CNIH3: variants seen among roughly 807,000 people sequenced by gnomAD.
The protein encoded by CNIH3 is cornichon family AMPA receptor auxiliary protein 3, also known as protein cornichon homolog 3.
In CNIH3, 14 loss-of-function variants were observed where a neutral mutation model predicts 24.1. That is an observed-to-expected ratio of 0.58 (90% CI 0.38 to 0.91). The LOEUF (loss-of-function observed/expected upper bound fraction) is 0.91. Among genes scored for constraint, CNIH3 ranks in the 40% least tolerant of loss-of-function variants. The probability of loss-of-function intolerance (pLI) is 0.00; values close to 1 mark genes in which losing one functional copy is unlikely to be tolerated. For synonymous variants in CNIH3, 68 were observed against 73.8 expected, an observed-to-expected ratio of 0.92 and a Z score of 0.40; for missense variants, 178 against 196.8, an observed-to-expected ratio of 0.90 and a Z score of 0.57.
intron 2 of CNIH3, chr1:224,529,418 C>T (rs1678973784): frequency 6.6e-6 from 1 of 152,194 alleles, no homozygotes; most frequent in South Asian, 2.1e-4. Context: ...AAGAAACATT[C>T]AGGTATGAGC....
chr1:224,560,526 A>G (rs1259590039), intron 3 of CNIH3, among the ~76,000 whole-genome samples: 1 of 152,092 alleles, frequency 6.6e-6, no homozygotes. Context: ...CGTTGCTTGC[A>G]TTACCACCTA....
At chr1:224,640,636 G>A (rs1288566592) in intron 1 of CNIH3, among the ~76,000 whole-genome samples, 7 of 152,262 alleles carry the variant, frequency 4.6e-5, no homozygotes, top group Non-Finnish European at 1.0e-4. Flanking sequence ...TGTGCCCAGT[G>A]TCTGTGCAGG....
At chr1:224,630,971 C>T (rs1428578371) in intron 1 of CNIH3, among the ~76,000 whole-genome samples, 1 of 151,942 alleles carries the variant, frequency 6.6e-6, no homozygotes, top group Non-Finnish European at 1.5e-5. Flanking sequence ...CCAGCCTGGC[C>T]AACATGGTGA....
intron 1 of CNIH3, among the ~76,000 whole-genome samples, chr1:224,663,705 C>G (rs982298114): frequency 3.3e-5 from 5 of 152,162 alleles, no homozygotes; most frequent in Non-Finnish European, 7.3e-5. Flanking sequence ...GAGCCATTCC[C>G]CTCGTCTGGT....
intron 1 of CNIH3, among the ~76,000 whole-genome samples, chr1:224,451,190 A>G (rs919694589): frequency 1.3e-5 from 2 of 152,210 alleles, no homozygotes; most frequent in Non-Finnish European, 2.9e-5. Flanking sequence ...TGATGTGGCA[A>G]CTACAAAGCT....
chr1:224,479,822 G>T (rs551255014), intron 1 of CNIH3, among the ~76,000 whole-genome samples: 12 of 152,176 alleles, frequency 7.9e-5, no homozygotes, highest in Non-Finnish European at 1.6e-4. Context: ...CTCCCTCCTG[G>T]CTGCTTTCAT....
chr1:224,603,257 T>C (rs566101548), intron 3 of CNIH3, among the ~76,000 whole-genome samples: 1 of 152,372 alleles, frequency 6.6e-6, no homozygotes, highest in South Asian at 2.1e-4. Flanking sequence ...ATCTGCAGTT[T>C]ATCTGCTTAG....
At chr1:224,623,529 G>A (rs1178329981) in intron 1 of CNIH3, among the ~76,000 whole-genome samples, 1 of 152,048 alleles carries the variant, frequency 6.6e-6, no homozygotes, top group Non-Finnish European at 1.5e-5. Context: ...CCACAACACT[G>A]TTGTAGATTG....
chr1:224,488,894 C>T (rs1381756034), intron 1 of CNIH3, among the ~76,000 whole-genome samples: 1 of 152,098 alleles, frequency 6.6e-6, no homozygotes, highest in African/African-American at 2.4e-5. Flanking sequence ...AGTGTATTTC[C>T]CAAGCGCATT....
Position 224,716,622 on chromosome 1 carries a change from A to G in CNIH3, c.199-13840A>G, listed in dbSNP as rs558335683. On this transcript the variant is annotated intron_variant, in intron 3 of 5. Transcript: ENST00000272133. Reference sequence around the variant, plus strand: ...GAAATTTGGGGAAGGAATGGGGTACAGTGTGGGGACCGTGGGGGTTTGGAA... The same window carrying G: ...GAAATTTGGGGAAGGAATGGGGTACGGTGTGGGGACCGTGGGGGTTTGGAA... Among the ~76,000 whole-genome samples, 234 of 152,210 alleles carry G rather than the reference A, an allele frequency of 1.5e-3. 1 individual carries two copies. Among genetic ancestry groups the G allele is most frequent in the African/African-American group, 5.4e-3 (226 of 41,518 alleles).
intron 3 of CNIH3, among the ~76,000 whole-genome samples, chr1:224,728,573 C>T (rs1220375638): frequency 3.9e-5 from 6 of 152,096 alleles, no homozygotes; most frequent in Non-Finnish European, 7.4e-5. Context: ...AGAAGGTGCC[C>T]CATAGTTACA....
intron 1 of CNIH3, among the ~76,000 whole-genome samples, chr1:224,494,435 C>A (rs916037423): frequency 6.6e-6 from 1 of 152,096 alleles, no homozygotes; most frequent in Non-Finnish European, 1.5e-5. Context: ...ATCTTGTGTT[C>A]CCCCTCAGCC....
At chr1:224,606,250 T>A (rs1011737892) in intron 3 of CNIH3, among the ~76,000 whole-genome samples, 1 of 152,108 alleles carries the variant, frequency 6.6e-6, no homozygotes, top group Admixed American at 6.5e-5. Flanking sequence ...GGTGACAGCA[T>A]TTGTACCTGC....
At chr1:224,556,816 C>T (rs1304775512) in intron 3 of CNIH3, among the ~76,000 whole-genome samples, 2 of 152,138 alleles carry the variant, frequency 1.3e-5, no homozygotes, top group Non-Finnish European at 2.9e-5. Context: ...CAGTCAGTGG[C>T]CTGCGGGTTG....
chr1:224,528,001 C>T (rs1211965390), intron 2 of CNIH3, among the ~76,000 whole-genome samples: 1 of 152,130 alleles, frequency 6.6e-6, no homozygotes, highest in Non-Finnish European at 1.5e-5. Context: ...GTGGCTCATG[C>T]CTGTAATTCC....
At chr1:224,570,917 T>C (rs1158662027) in intron 4 of CNIH3, among the ~76,000 whole-genome samples, 2 of 152,146 alleles carry the variant, frequency 1.3e-5, no homozygotes, top group Non-Finnish European at 2.9e-5. Flanking sequence ...TCTTTTTTTT[T>C]TTTTCCTGTG....
At chr1:224,737,649 G>T (rs16853500) in intron 5 of CNIH3, among the ~76,000 whole-genome samples, 45,519 of 152,078 alleles carry the variant, frequency 0.3, 7,021 homozygotes, top group African/African-American at 0.37. Context: ...CAGGGCTAGA[G>T]ACCCACACAA....
chr1:224,631,866 A>G (rs1157636020), intron 1 of CNIH3, among the ~76,000 whole-genome samples: 2 of 152,184 alleles, frequency 1.3e-5, no homozygotes, highest in African/African-American at 4.8e-5. Context: ...AACTCTAAAA[A>G]AAGAGTTGAT....
chr1:224,633,221 C>T (rs1050545526), intron 1 of CNIH3, among the ~76,000 whole-genome samples: 3 of 152,034 alleles, frequency 2.0e-5, no homozygotes, highest in African/African-American at 7.3e-5. Context: ...TGCAGTGGCG[C>T]GATCTCTGTT....
Sources: gnomAD v4.1 joint callset for allele counts (sites outside exome capture counted in the v4.1 genomes callset) on GRCh38, gnomAD v4.1.1 for gene constraint, MANE v1.5 for transcripts, NCBI Gene and HGNC (gene_info 2026-07-23, HGNC 2026-07-21) for gene names.